TMEM177: variants seen among roughly 807,000 people sequenced by gnomAD.
TMEM177 encodes the protein transmembrane protein 177.
Under a neutral mutation model 14.2 loss-of-function variants are expected in TMEM177, and 4 were observed. The ratio of observed to expected loss-of-function variants is 0.28; its 90% CI spans 0.14 to 0.64. The LOEUF is 0.64. Ranked by LOEUF, TMEM177 falls within the 30% of genes least tolerant of loss-of-function variation. The probability of loss-of-function intolerance (pLI) is 0.82; values close to 1 mark genes in which losing one functional copy is unlikely to be tolerated. For missense variants in TMEM177, 344 were observed against 405.2 expected (o/e 0.85, Z 1.30); for synonymous variants, 179 against 174.5 (o/e 1.03, Z -0.20).
At chr2:119,721,428 C>G in the TMEM177 span, among the ~76,000 whole-genome samples, 1 of 152,208 alleles carries the variant, frequency 6.6e-6, no homozygotes, top group Admixed American at 6.5e-5. Context: ...GTCCTATGCT[C>G]TTGATTGATA....
At chr2:119,703,562 A>G in the TMEM177 span, among the ~76,000 whole-genome samples, 3 of 152,228 alleles carry the variant, frequency 2.0e-5, no homozygotes, top group Non-Finnish European at 2.9e-5. Context: ...GGGATATTTA[A>G]TGACATGGGA....
the TMEM177 span, among the ~76,000 whole-genome samples, chr2:119,709,505 A>G: frequency 3.9e-5 from 6 of 152,180 alleles, no homozygotes; most frequent in Non-Finnish European, 7.3e-5. Context: ...GTGAGATCCT[A>G]TATCTACAAA....
chr2:119,719,341 T>C, the TMEM177 span, among the ~76,000 whole-genome samples: 1 of 152,146 alleles, frequency 6.6e-6, no homozygotes, highest in Non-Finnish European at 1.5e-5. Context: ...CTTTACATAG[T>C]ATGTGTTCTT....
chr2:119,695,719 CAT>C, the TMEM177 span, among the ~76,000 whole-genome samples: 2 of 152,256 alleles, frequency 1.3e-5, no homozygotes, highest in East Asian at 1.9e-4. Context: ...TAAACACTCT[CAT>C]ATATGTTATT....
downstream of TMEM177, chr2:119,685,855 G>A (rs1689005194): frequency 9.9e-6 from 6 of 605,640 alleles, no homozygotes; most frequent in East Asian, 1.4e-4. Flanking sequence ...TCCTCATGCT[G>A]GGTTAGAAGT....
chr2:119,693,847 C>T, the TMEM177 span, among the ~76,000 whole-genome samples: 7 of 99,372 alleles, frequency 7.0e-5, no homozygotes, highest in Non-Finnish European at 1.5e-4. Context: ...ATACACATCA[C>T]ACCACACACA....
chr2:119,705,827 T>A, the TMEM177 span, among the ~76,000 whole-genome samples: 12 of 151,590 alleles, frequency 7.9e-5, no homozygotes, highest in Non-Finnish European at 1.8e-4. Context: ...TTAGGGTGTG[T>A]CCACTACACC....
At chr2:119,688,866 C>G (rs951544054), downstream of TMEM177, among the ~76,000 whole-genome samples, 10 of 152,204 alleles carry the variant, frequency 6.6e-5, no homozygotes, top group Non-Finnish European at 1.3e-4. Flanking sequence ...ACTGACAGCC[C>G]CAGCTGCTGT....
chr2:119,697,970 G>A, the TMEM177 span, among the ~76,000 whole-genome samples: 1 of 152,158 alleles, frequency 6.6e-6, no homozygotes, highest in African/African-American at 2.4e-5. Flanking sequence ...CAATTTTGAG[G>A]CATAATAAAT....
downstream of TMEM177, among the ~76,000 whole-genome samples, chr2:119,685,180 T>C (rs1688990403): frequency 6.8e-6 from 1 of 146,824 alleles, no homozygotes; most frequent in African/African-American, 2.6e-5. Flanking sequence ...TACAGAAAAC[T>C]ACAACACACA....
rs140451574 is a variant in TMEM177 at position 119,680,437 on chromosome 2, T to G, written c.-22-395T>G. Among the ~76,000 whole-genome samples, 288 of 152,302 alleles carry G rather than the reference T, an allele frequency of 1.9e-3. 2 individuals carry two copies. The highest frequency in any genetic ancestry group is 6.6e-3 in the African/African-American group (276 of 41,562). On this transcript the variant is annotated intron_variant, in intron 1 of 1. Transcript: ENST00000272521. The stretch of plus-strand genomic sequence containing the variant: ...TCAATAAATTGAACACGTTTTTCCT[T>G]ATAAATTAGTAATCATAGGGCTTTA...
At chr2:119,718,120 A>C in the TMEM177 span, among the ~76,000 whole-genome samples, 1 of 152,202 alleles carries the variant, frequency 6.6e-6, no homozygotes, top group African/African-American at 2.4e-5. Context: ...TTTTTATCTT[A>C]AATCAGAGCA....
At chr2:119,708,161 A>G in the TMEM177 span, among the ~76,000 whole-genome samples, 1 of 152,112 alleles carries the variant, frequency 6.6e-6, no homozygotes, top group Non-Finnish European at 1.5e-5. Context: ...CTCTGCCTCA[A>G]AGTCCTTCTG....
At chr2:119,711,021 T>C in the TMEM177 span, among the ~76,000 whole-genome samples, 1 of 151,988 alleles carries the variant, frequency 6.6e-6, no homozygotes, top group Non-Finnish European at 1.5e-5. Context: ...TTGCACTCCC[T>C]CCTCTTCCCC....
the TMEM177 span, among the ~76,000 whole-genome samples, chr2:119,706,996 C>T: frequency 2.0e-5 from 3 of 151,540 alleles, no homozygotes; most frequent in Non-Finnish European, 2.9e-5. Flanking sequence ...ACTGCAACCT[C>T]TGCGTCCCAG....
At chr2:119,698,204 T>A in the TMEM177 span, among the ~76,000 whole-genome samples, 1 of 152,182 alleles carries the variant, frequency 6.6e-6, no homozygotes, top group Non-Finnish European at 1.5e-5. Context: ...GCAACTTTTA[T>A]TCTTTTCTCT....
downstream of TMEM177, among the ~76,000 whole-genome samples, chr2:119,684,310 G>A (rs1260636366): frequency 6.6e-6 from 1 of 152,150 alleles, no homozygotes; most frequent in African/African-American, 2.4e-5. Context: ...ATGCCCAGGG[G>A]AAACTGTTCA....
the TMEM177 span, among the ~76,000 whole-genome samples, chr2:119,698,038 C>G: frequency 6.6e-6 from 1 of 152,152 alleles, no homozygotes; most frequent in Non-Finnish European, 1.5e-5. Flanking sequence ...GATGAAGTTC[C>G]TCTGAGCTCC....
At chr2:119,692,412 C>T in the TMEM177 span, among the ~76,000 whole-genome samples, 55 of 152,300 alleles carry the variant, frequency 3.6e-4, no homozygotes, top group African/African-American at 8.2e-4. Context: ...GCCTGTGGCC[C>T]GAGGAGGGAG....
Sources: allele counts gnomAD v4.1 joint callset (sites outside exome capture counted in the v4.1 genomes callset), GRCh38; gene constraint gnomAD v4.1.1; transcripts MANE v1.5; gene names NCBI Gene and HGNC (gene_info 2026-07-23, HGNC 2026-07-21).